Variants in STXBP6 observed in about 807,000 individuals in gnomAD.
STXBP6 encodes syntaxin binding protein 6, also known as syntaxin-binding protein 6.
A neutral mutation model predicts 26.9 loss-of-function variants in STXBP6; 21 were observed. The observed-to-expected ratio is 0.78, with a 90% CI of 0.55 to 1.12. The LOEUF (loss-of-function observed/expected upper bound fraction) is 1.12. Ranked by LOEUF, STXBP6 falls within the 50% of genes most tolerant of loss-of-function variation. The pLI is 0.00. For missense variants in STXBP6, 232 were observed against 257.9 expected (o/e 0.90, Z 0.69); for synonymous variants, 97 against 92.6 (o/e 1.05, Z -0.27).
Position 24,812,594 on chromosome 14 carries a change from C to CT in STXBP6, c.*114dup, listed in dbSNP as rs2067853570. On this transcript the variant is annotated 3_prime_UTR_variant, in exon 6 of 6. Coordinates refer to ENST00000323944, the MANE Select transcript of STXBP6 (RefSeq NM_001394410.1). ...CTGAAAAGAAAAAACAAAAACCACT[C>CT]TAAGTGTCCAAATATTGGAAAAAAA... 5 of 1,017,404 alleles carry CT rather than the reference C, an allele frequency of 4.9e-6. No homozygotes were observed. The highest frequency in any genetic ancestry group is 7.6e-6 in the Non-Finnish European group (5 of 662,056). The allele number at this position is 1,017,404 out of a possible 1,614,324, so 63.0% of individuals were successfully genotyped here.
At chr14:24,929,638 G>T (rs1247542946) in intron 2 of STXBP6, among the ~76,000 whole-genome samples, 1 of 152,222 alleles carries the variant, frequency 6.6e-6, no homozygotes, top group African/African-American at 2.4e-5. Flanking sequence ...CATAGCACAA[G>T]TGGAATTTCT....
At chr14:24,825,507 A>G (rs2068255574) in intron 4 of STXBP6, among the ~76,000 whole-genome samples, 1 of 152,252 alleles carries the variant, frequency 6.6e-6, no homozygotes, top group East Asian at 1.9e-4. Context: ...TTGTAAGTCC[A>G]TAAATGCAAA....
At position 24,902,507 on chromosome 14, in the gene STXBP6, G is replaced by A. The variant is rs77425385; in HGVS notation, c.155-45350C>T. Among the ~76,000 whole-genome samples the A allele has an allele frequency of 7.0e-3, 1,067 of 152,244 alleles. 16 individuals are homozygous for A. Among genetic ancestry groups the A allele is most frequent in the African/African-American group, 0.023 (976 of 41,540 alleles). On this transcript the variant is annotated intron_variant, in intron 2 of 5. Coordinates refer to ENST00000323944, the MANE Select transcript of STXBP6 (RefSeq NM_001394410.1). ...TTATTTTGCCTACCATAGATGCTTC[G>A]TTAAGTAACCTAAGAATGAGGACCA...
intron 2 of STXBP6, among the ~76,000 whole-genome samples, chr14:24,882,359 A>G (rs2070398454): frequency 9.4e-6 from 1 of 106,900 alleles, no homozygotes; most frequent in Non-Finnish European, 1.8e-5. Context: ...AGCCTGGGCG[A>G]CAGAGCGAGA....
chr14:24,847,335 A>G (rs780792028), intron 4 of STXBP6, among the ~76,000 whole-genome samples: 38 of 152,158 alleles, frequency 2.5e-4, no homozygotes, highest in Non-Finnish European at 5.3e-4. Context: ...AATAAGCACA[A>G]TGAAGTAAGC....
intron 2 of STXBP6, among the ~76,000 whole-genome samples, chr14:24,891,921 C>A (rs558261635): frequency 6.6e-6 from 1 of 152,326 alleles, no homozygotes; most frequent in South Asian, 2.1e-4. Context: ...TTTTTGTTAA[C>A]CCCCATTAAT....
intron 4 of STXBP6, among the ~76,000 whole-genome samples, chr14:24,826,055 C>T (rs2068271278): frequency 6.6e-6 from 1 of 152,196 alleles, no homozygotes; most frequent in Non-Finnish European, 1.5e-5. Context: ...TGTTTGCTGA[C>T]AAACCAGCTA....
At chr14:24,998,485 A>T (rs7158164) in intron 1 of STXBP6, among the ~76,000 whole-genome samples, 39,995 of 152,088 alleles carry the variant, frequency 0.26, 7,522 homozygotes, top group African/African-American at 0.54. Context: ...GAAATCTCAG[A>T]TCAAGTTCAG....
intron 1 of STXBP6, among the ~76,000 whole-genome samples, chr14:25,036,230 A>G (rs1566578122): frequency 6.8e-6 from 1 of 147,328 alleles, no homozygotes; most frequent in Non-Finnish European, 1.5e-5. Flanking sequence ...AAAAAAAAAA[A>G]AAAAAAAAAA....
chr14:25,035,717 C>T (rs2075538542), intron 1 of STXBP6, among the ~76,000 whole-genome samples: 1 of 151,820 alleles, frequency 6.6e-6, no homozygotes, highest in South Asian at 2.1e-4. Flanking sequence ...CCAGGGAAAA[C>T]TATGTGAAAA....
chr14:24,950,303 CTCTTCAACTTAGCAATCATA>C lies in STXBP6; in HGVS notation c.154+24342_154+24361del, dbSNP rs2073119958. Among the ~76,000 whole-genome samples the C allele has an allele frequency of 2.6e-5, 4 of 152,236 alleles. No homozygotes were observed. In the South Asian group the frequency reaches 6.2e-4, roughly 24 times the overall value. On this transcript the variant is annotated intron_variant, in intron 2 of 5. Transcript: ENST00000323944. The stretch of plus-strand genomic sequence containing the variant: ...TACACAGAAGCTGAAGAGGTACATA[CTCTTCAACTTAGCAATCATA>C]TTCCTGGTATATACCCAACAGAAAT...
At chr14:24,987,090 G>A (rs2074351534) in intron 1 of STXBP6, among the ~76,000 whole-genome samples, 1 of 152,070 alleles carries the variant, frequency 6.6e-6, no homozygotes, top group Admixed American at 6.5e-5. Context: ...TCTATCAATT[G>A]AATACTACCC....
intron 1 of STXBP6, among the ~76,000 whole-genome samples, chr14:24,977,158 C>A (rs931188411): frequency 1.2e-4 from 19 of 152,164 alleles, no homozygotes; most frequent in African/African-American, 4.6e-4. Context: ...GCCACCGCGC[C>A]CTGTCTCACC....
At chr14:24,882,244 TGGCGGGCGCCTGTAGTCCCAGCTACTTG>T (rs1484549540) in intron 2 of STXBP6, among the ~76,000 whole-genome samples, 20 of 148,628 alleles carry the variant, frequency 1.3e-4, no homozygotes, top group Non-Finnish European at 2.7e-4. Context: ...CCGGGCGTAG[TGGCGGGCGCCTGTAGTCCCAGCTACTTG>T]GGAGGCTGAG....
At chr14:24,972,250 G>A (rs900785510) in intron 2 of STXBP6, among the ~76,000 whole-genome samples, 2 of 152,124 alleles carry the variant, frequency 1.3e-5, no homozygotes, top group African/African-American at 2.4e-5. Flanking sequence ...TCATAGTTTT[G>A]GACTTTAAAC....
At chr14:24,977,053 G>A (rs140480047) in intron 1 of STXBP6, among the ~76,000 whole-genome samples, 2 of 151,496 alleles carry the variant, frequency 1.3e-5, no homozygotes, top group African/African-American at 4.9e-5. Flanking sequence ...AGTAGAGATA[G>A]GGTTTCACTA....
chr14:25,044,133 T>G (rs991105443), intron 1 of STXBP6, among the ~76,000 whole-genome samples: 28 of 133,594 alleles, frequency 2.1e-4, no homozygotes, highest in South Asian at 4.7e-4. Flanking sequence ...ATTGTGCCAC[T>G]GCACTTCAGC....
intron 2 of STXBP6, among the ~76,000 whole-genome samples, chr14:24,972,424 C>T (rs2073931390): frequency 6.6e-6 from 1 of 152,156 alleles, no homozygotes; most frequent in Non-Finnish European, 1.5e-5. Context: ...ATTAGGCAGA[C>T]AACAGTATAT....
At chr14:24,947,829 A>C (rs2140034490) in intron 2 of STXBP6, among the ~76,000 whole-genome samples, 1 of 152,324 alleles carries the variant, frequency 6.6e-6, no homozygotes, top group Admixed American at 6.5e-5. Context: ...TTCACTCTAC[A>C]TGCCACTTCT....
Sources: gnomAD v4.1 joint callset for allele counts (sites outside exome capture counted in the v4.1 genomes callset) on GRCh38, gnomAD v4.1.1 for gene constraint, MANE v1.5 for transcripts, NCBI Gene and HGNC (gene_info 2026-07-23, HGNC 2026-07-21) for gene names.